The following DGKI variants were observed in gnomAD, a reference collection of about 807,000 sequenced individuals.
The protein encoded by DGKI is diacylglycerol kinase iota.
Under a neutral mutation model 147.5 loss-of-function variants are expected in DGKI, and 55 were observed. That is an observed-to-expected ratio of 0.37 (90% confidence interval 0.30 to 0.47). The LOEUF is 0.47. DGKI is among the 20% of genes least tolerant of loss of function. The pLI is 1.00. For synonymous variants in DGKI, 469 were observed against 477.1 expected (o/e 0.98, Z 0.22); for missense variants, 1,007 against 1,323.8 (o/e 0.76, Z 3.71).
chr7:137,790,477 C>A (rs1376251838), intron 1 of DGKI, among the ~76,000 whole-genome samples: 1 of 152,204 alleles, frequency 6.6e-6, no homozygotes, highest in Non-Finnish European at 1.5e-5. Context: ...TACTTCCAAC[C>A]AACTGGCTGC....
In DGKI at chr7:137,567,471, G is replaced by A. The variant is rs952731637; in HGVS notation, c.1947+3704C>T. Among the ~76,000 whole-genome samples, 13 of 152,224 alleles carry A rather than the reference G, an allele frequency of 8.5e-5. 1 individual carries two copies. Among genetic ancestry groups the A allele is most frequent in the African/African-American group, 2.9e-4 (12 of 41,524 alleles). ...TAGTGTATGTAGATCCAGCTATCAA[G>A]TACAGAAAAAAGAAAGAAGCACATT... On this transcript the variant is annotated intron_variant, in intron 19 of 32. Transcript: ENST00000614521.
At chr7:137,842,985 A>G (rs540998851) in intron 1 of DGKI, among the ~76,000 whole-genome samples, 1 of 152,332 alleles carries the variant, frequency 6.6e-6, no homozygotes, top group African/African-American at 2.4e-5. Context: ...TTAGGGAAGC[A>G]GCGTGATGCG....
intron 21 of DGKI, among the ~76,000 whole-genome samples, chr7:137,503,456 A>G (rs925468928): frequency 2.0e-5 from 3 of 152,170 alleles, no homozygotes; most frequent in African/African-American, 7.2e-5. Flanking sequence ...TTCTCACTTG[A>G]GGTGTGAAAA....
chr7:137,587,808 T>G (rs1819460538), intron 12 of DGKI, among the ~76,000 whole-genome samples: 1 of 152,222 alleles, frequency 6.6e-6, no homozygotes, highest in South Asian at 2.1e-4. Flanking sequence ...TCTATTTTCC[T>G]TAATGAAACA....
chr7:137,770,985 G>C (rs548918977), intron 1 of DGKI, among the ~76,000 whole-genome samples: 1 of 152,294 alleles, frequency 6.6e-6, no homozygotes, highest in Non-Finnish European at 1.5e-5. Context: ...AGTAAATAAG[G>C]AGTGAATCTG....
chr7:137,531,496 C>T (rs1476788612), intron 20 of DGKI, among the ~76,000 whole-genome samples: 1 of 152,130 alleles, frequency 6.6e-6, no homozygotes, highest in Admixed American at 6.5e-5. Context: ...CATCACTATA[C>T]TTAGTGGAGC....
chr7:137,784,452 C>A (rs1005496600), intron 1 of DGKI, among the ~76,000 whole-genome samples: 4 of 152,130 alleles, frequency 2.6e-5, no homozygotes, highest in African/African-American at 9.7e-5. Flanking sequence ...GCACCTAACA[C>A]TGGAGCTCCC....
In DGKI at chr7:137,683,562, T is replaced by C. The variant is rs1465580829; in HGVS notation, c.511-4910A>G. On this transcript the variant is annotated intron_variant, in intron 2 of 32. Transcript: ENST00000614521. ...GCTCCCTGTCACTCTTCTTGAAACA[T>C]ACCTCGCATTTCCCTTTTTGGTGCC... Among the ~76,000 whole-genome samples the C allele has an allele frequency of 9.2e-5, 14 of 152,270 alleles. 1 individual carries two copies. The highest frequency in any genetic ancestry group is 3.1e-4 in the African/African-American group (13 of 41,552).
intron 28 of DGKI, among the ~76,000 whole-genome samples, chr7:137,416,603 G>C (rs1001042499): frequency 6.6e-6 from 1 of 152,128 alleles, no homozygotes; most frequent in Non-Finnish European, 1.5e-5. Flanking sequence ...AGAAGCTATT[G>C]AAGAGCTAAA....
intron 15 of DGKI, among the ~76,000 whole-genome samples, chr7:137,579,667 A>G (rs923865104): frequency 6.6e-6 from 1 of 152,128 alleles, no homozygotes; most frequent in South Asian, 2.1e-4. Flanking sequence ...TCCAATTAAC[A>G]TAAATTCTCC....
At chr7:137,680,978 C>T (rs983285827) in intron 2 of DGKI, among the ~76,000 whole-genome samples, 4 of 152,080 alleles carry the variant, frequency 2.6e-5, no homozygotes, top group African/African-American at 2.4e-5. Context: ...GATGTAGGTG[C>T]TTCAGGATCC....
intron 1 of DGKI, among the ~76,000 whole-genome samples, chr7:137,820,143 C>T (rs1797855996): frequency 6.6e-6 from 1 of 152,172 alleles, no homozygotes; most frequent in Non-Finnish European, 1.5e-5. Context: ...TAGGCTAGCA[C>T]TCAGTGTGCT....
chr7:137,636,205 G>T (rs1821307709), intron 6 of DGKI, among the ~76,000 whole-genome samples: 1 of 152,192 alleles, frequency 6.6e-6, no homozygotes, highest in Admixed American at 6.5e-5. Flanking sequence ...CAGGGAATCA[G>T]ACTGCAGAGA....
intron 3 of DGKI, among the ~76,000 whole-genome samples, chr7:137,661,873 T>C (rs1822448130): frequency 6.6e-6 from 1 of 152,198 alleles, no homozygotes; most frequent in Admixed American, 6.5e-5. Context: ...TCCTAAGCTC[T>C]TAGAATGTCA....
intron 19 of DGKI, among the ~76,000 whole-genome samples, chr7:137,562,535 C>A (rs1218746131): frequency 4.6e-5 from 7 of 151,320 alleles, no homozygotes; most frequent in African/African-American, 1.7e-4. Context: ...AACTCCATAT[C>A]AAAAAATAAA....
chr7:137,722,899 A>AC (rs1159507354), intron 1 of DGKI: 1 of 771,618 alleles, frequency 1.3e-6, no homozygotes, highest in Non-Finnish European at 2.1e-6. Flanking sequence ...TAAAAAAAAA[A>AC]AAAAGTATAG....
At chr7:137,457,368 A>G (rs1377515550) in intron 27 of DGKI, among the ~76,000 whole-genome samples, 1 of 152,224 alleles carries the variant, frequency 6.6e-6, no homozygotes, top group Non-Finnish European at 1.5e-5. Context: ...ATCGCTGTCC[A>G]ACAGTCTGTC....
chr7:137,485,542 C>T, intron 22 of DGKI, 124 bp from the exon 23 acceptor site: 1 of 703,132 alleles, frequency 1.4e-6, no homozygotes, highest in Non-Finnish European at 2.4e-6. Context: ...GTATCGAACA[C>T]ACCCAAATTC....
At chr7:137,472,171 C>T (rs1178081283) in intron 23 of DGKI, among the ~76,000 whole-genome samples, 2 of 116,092 alleles carry the variant, frequency 1.7e-5, no homozygotes, top group African/African-American at 6.9e-5. Flanking sequence ...TATATATACA[C>T]ATATATATGT....
Sources: allele counts gnomAD v4.1 joint callset (sites outside exome capture counted in the v4.1 genomes callset), GRCh38; gene constraint gnomAD v4.1.1; transcripts MANE v1.5; gene names NCBI Gene and HGNC (gene_info 2026-07-23, HGNC 2026-07-21).